ABCA9: variants seen among roughly 807,000 people sequenced by gnomAD.
ABCA9 encodes the protein ATP binding cassette subfamily A member 9, also known as ATP-binding cassette sub-family A member 9.
Under a neutral mutation model 205.3 loss-of-function variants are expected in ABCA9, and 183 were observed. The ratio of observed to expected loss-of-function variants is 0.89; its 90% CI spans 0.79 to 1.01. ABCA9 has a LOEUF of 1.01. Ranked by LOEUF, ABCA9 falls within the 50% of genes least tolerant of loss-of-function variation. The probability of loss-of-function intolerance (pLI) is 0.00; values close to 1 mark genes in which losing one functional copy is unlikely to be tolerated. For missense variants in ABCA9, 1,805 were observed against 1,912.4 expected (o/e 0.94, Z 1.05); for synonymous variants, 651 against 683.3 (o/e 0.95, Z 0.74).
intron 3 of ABCA9, 131 bp from the exon 4 acceptor site, chr17:69,045,467 T>C (rs9789083): frequency 0.26 from 29,629 of 115,616 alleles, 4,190 homozygotes; most frequent in East Asian, 0.62. Flanking sequence ...AAATAAGACA[T>C]GGAGGGGAGG....
At chr17:68,978,304 T>G (rs2068944146) in intron 37 of ABCA9, among the ~76,000 whole-genome samples, 1 of 152,208 alleles carries the variant, frequency 6.6e-6, no homozygotes, top group Admixed American at 6.5e-5. Context: ...GCCTTTTTTT[T>G]GTTTTCCATT....
chr17:69,026,879 G>T, intron 15 of ABCA9, 97 bp downstream of exon 15: 1 of 1,436,166 alleles, frequency 7.0e-7, no homozygotes, highest in South Asian at 1.4e-5. Flanking sequence ...CTTGGGCCAT[G>T]GCAGTTCCAG....
intron 2 of ABCA9, 21 bp downstream of exon 2, chr17:69,051,010 C>T: frequency 6.2e-7 from 1 of 1,606,618 alleles, no homozygotes. Context: ...AATATGAGAA[C>T]ACATAGACTC....
chr17:69,021,944 T>C, intron 17 of ABCA9, 83 bp from the exon 18 acceptor site: 1 of 1,170,238 alleles, frequency 8.5e-7, no homozygotes, highest in African/African-American at 1.6e-5. Flanking sequence ...ATATTGGTAA[T>C]AGGCCAAATG....
chr17:69,028,175 A>AT (rs1289685183), intron 12 of ABCA9, among the ~76,000 whole-genome samples: 8 of 151,516 alleles, frequency 5.3e-5, no homozygotes, highest in African/African-American at 1.7e-4. Flanking sequence ...CAATTACATA[A>AT]TTTTTTTTTG....
At position 69,035,391 on chromosome 17, in the gene ABCA9, G is replaced by T; in HGVS notation, c.983C>A (p.Pro328His). 1 of 1,603,100 alleles carries T rather than the reference G, an allele frequency of 6.2e-7. No individual in the cohort carries two copies. The highest frequency in any genetic ancestry group is 1.3e-5 in the African/African-American group (1 of 74,558). Residue 328 changes from proline (P) to histidine (H), a missense_variant, in exon 8 of 39, where the codon CCT becomes CAT. Transcript: ENST00000340001. ...AFLMSVLIKK[P>H]FLTGLVVFLL... is the part of the protein sequence containing the mutation. ...AAACACAACCAAGCCCGTAAGGAAA[G>T]GTTTCTTTATCAACACACTCATCAG...
At chr17:69,011,529 C>T (rs541313454) in intron 23 of ABCA9, among the ~76,000 whole-genome samples, 16 of 151,990 alleles carry the variant, frequency 1.1e-4, no homozygotes, top group African/African-American at 3.4e-4. Context: ...ACAGGCTCCT[C>T]GAATTTTATT....
chr17:69,038,598 C>T (rs1036481910), intron 6 of ABCA9, among the ~76,000 whole-genome samples: 6 of 152,122 alleles, frequency 3.9e-5, no homozygotes, highest in Non-Finnish European at 7.3e-5. Flanking sequence ...ATGACAAACC[C>T]GTAGCCAATA....
In ABCA9 at chr17:69,044,208, A is replaced by T. The variant is rs139287366; in HGVS notation, c.573+289T>A. On this transcript the variant is annotated intron_variant, in intron 5 of 38. Coordinates refer to ENST00000340001, the MANE Select transcript of ABCA9 (RefSeq NM_080283.4). The stretch of plus-strand genomic sequence containing the variant: ...AACAGAGTAAAACTTTGTCTCTAAG[A>T]AAAACAAAGTTAAAAATAAAAAATT... Among the ~76,000 whole-genome samples, 694 of 152,208 alleles carry T rather than the reference A, an allele frequency of 4.6e-3. 5 individuals are homozygous for T. Among genetic ancestry groups the T allele is most frequent in the Non-Finnish European group, 7.1e-3 (480 of 67,976 alleles).
In ABCA9 at chr17:69,035,431, T is replaced by C. The variant is rs759671608; in HGVS notation, c.943A>G (p.Ile315Val). 2.4e-5 allele frequency: 37 copies of C among 1,565,960 alleles called. No individual in the cohort carries two copies. The highest frequency in any genetic ancestry group is 1.8e-4 in the African/African-American group (13 of 72,688). Residue 315 changes from isoleucine to valine, a missense_variant and splice_region_variant, in exon 8 of 39, where the codon ATA becomes GTA. Transcript: ENST00000340001. The stretch of plus-strand genomic sequence containing the variant: ...ACACTCATCAGGAAAGCTAAAGTTA[T>C]CTGAGAAAAGAGAAAGACTTCAGCT... ...TLFLLYGLSL[I>V]TLAFLMSVLI...
At chr17:69,021,202 C>T (rs1471813788) in intron 18 of ABCA9, among the ~76,000 whole-genome samples, 1 of 151,574 alleles carries the variant, frequency 6.6e-6, no homozygotes, top group Non-Finnish European at 1.5e-5. Flanking sequence ...TTGATCAATC[C>T]AAAAAGACCC....
At chr17:69,053,539 A>G (rs1455256995) in intron 1 of ABCA9, among the ~76,000 whole-genome samples, 1 of 152,202 alleles carries the variant, frequency 6.6e-6, no homozygotes, top group African/African-American at 2.4e-5. Flanking sequence ...AATGCCTAAT[A>G]TTAAAAAATA....
At chr17:68,991,804 G>A (rs939301357) in intron 28 of ABCA9, among the ~76,000 whole-genome samples, 2 of 152,048 alleles carry the variant, frequency 1.3e-5, no homozygotes, top group African/African-American at 4.8e-5. Flanking sequence ...AGGAGCTCCT[G>A]GTGCCTTCAT....
the ABCA9 span, among the ~76,000 whole-genome samples, chr17:69,067,283 T>C: frequency 1.4e-4 from 21 of 152,090 alleles, no homozygotes; most frequent in South Asian, 4.1e-3. Context: ...AAAGTCATTG[T>C]GCCCTGTAAT....
In ABCA9 at chr17:68,983,848, A is replaced by C. The variant is rs1434879967; in HGVS notation, c.4501T>G (p.Cys1501Gly). The C allele has an allele frequency of 2.5e-6, 4 of 1,614,196 alleles. No individual in the cohort carries two copies. Among genetic ancestry groups the C allele is most frequent in the Non-Finnish European group, 3.4e-6 (4 of 1,180,016 alleles). Residue 1501 changes from cysteine (C) to glycine (G), a missense_variant and splice_region_variant, in exon 36 of 39, where the codon TGT (cysteine) becomes GGT (glycine). By Grantham distance (159) the Cys-to-Gly change is radical. Coordinates refer to ENST00000340001, the MANE Select transcript of ABCA9 (RefSeq NM_080283.4). The stretch of plus-strand genomic sequence containing the variant: ...TTCAGGTGTTGGATGGAACCAATAC[A>C]TCTGAAGGTAACAGAAGGATAAAGT... ...VAIMVSGRLR[C>G]IGSIQHLKSK...
Position 69,007,762 on chromosome 17 carries a change from TAAG to T in ABCA9, c.3429_3431del (p.Phe1143del), listed in dbSNP as rs1218359095. ...TAGGTAGTATATGCATACTCACAAT[TAAG>T]AAGAAAAATGACCAAATGCCACTAT... is the stretch of plus-strand genomic sequence containing the variant. On this transcript the variant is annotated inframe_deletion, in exon 25 of 39. Transcript: ENST00000340001. The T allele has an allele frequency of 5.1e-6, 8 of 1,560,096 alleles. No individual in the cohort carries two copies. The highest frequency in any genetic ancestry group is 2.7e-5 in the African/African-American group (2 of 73,672).
At chr17:69,062,275 G>T (rs578146123), upstream of ABCA9, among the ~76,000 whole-genome samples, 2 of 152,108 alleles carry the variant, frequency 1.3e-5, no homozygotes, top group South Asian at 2.1e-4. Context: ...TGTGCACAGA[G>T]AATATAATTT....
chr17:69,020,439 G>T lies in ABCA9; in HGVS notation c.2549C>A (p.Ala850Glu). 6.2e-7 allele frequency: 1 copy of T among 1,613,792 alleles called. No individual in the cohort carries two copies. The highest frequency in any genetic ancestry group is 8.5e-7 in the Non-Finnish European group (1 of 1,179,878). Residue 850 changes from alanine to glutamate, a missense_variant, in exon 19 of 39, where the codon GCA becomes GAA. Transcript: ENST00000340001. The part of the protein sequence containing the change: ...ALWRQQVCAI[A>E]KVRFLKLKKE... ...CTTTAACTTTAGGAAGCGAACTTTT[G>T]CTATTGCACAGACCTGCTGCCTCCA... is the stretch of plus-strand genomic sequence containing the variant.
intron 37 of ABCA9, among the ~76,000 whole-genome samples, chr17:68,979,829 C>A (rs1377510382): frequency 6.6e-6 from 1 of 152,146 alleles, no homozygotes; most frequent in Non-Finnish European, 1.5e-5. Flanking sequence ...ACCATAAAAA[C>A]CCTAGAAGAA....
Sources: allele counts gnomAD v4.1 joint callset (sites outside exome capture counted in the v4.1 genomes callset), GRCh38; gene constraint gnomAD v4.1.1; transcripts MANE v1.5; gene names NCBI Gene and HGNC (gene_info 2026-07-23, HGNC 2026-07-21).